The following ACSS3 variants were observed in gnomAD, a reference collection of about 807,000 sequenced individuals.
ACSS3 encodes acyl-CoA synthetase short-chain family member 3, mitochondrial.
A neutral mutation model predicts 84.2 loss-of-function variants in ACSS3; 64 were observed. The ratio of observed to expected loss-of-function variants is 0.76; its 90% confidence interval spans 0.62 to 0.94. ACSS3 has a LOEUF of 0.94. Among genes scored for constraint, ACSS3 ranks in the 40% least tolerant of loss-of-function variants. The pLI, the probability that ACSS3 is intolerant of heterozygous loss-of-function variation, is 0.00. For missense variants in ACSS3, 815 were observed against 867.6 expected, an observed-to-expected ratio of 0.94 and a Z score of 0.76; for synonymous variants, 317 against 310.1, an observed-to-expected ratio of 1.02 and a Z score of -0.23.
chr12:81,100,482 G>C (rs1882423140), intron 1 of ACSS3, among the ~76,000 whole-genome samples: 1 of 152,052 alleles, frequency 6.6e-6, no homozygotes, highest in Non-Finnish European at 1.5e-5. Flanking sequence ...TTATTTACAG[G>C]AGCTGAGATT....
chr12:81,154,818 T>C (rs1886782518), intron 7 of ACSS3, among the ~76,000 whole-genome samples: 1 of 152,226 alleles, frequency 6.6e-6, no homozygotes, highest in Admixed American at 6.5e-5. Flanking sequence ...AGGTGATCCT[T>C]TCCTCTCTCT....
chr12:81,141,988 A>AT (rs1429770488), intron 4 of ACSS3, among the ~76,000 whole-genome samples: 2 of 152,198 alleles, frequency 1.3e-5, no homozygotes, highest in Non-Finnish European at 2.9e-5. Flanking sequence ...TACAGGCATC[A>AT]TATTTGTGAT....
At chr12:81,213,851 C>T (rs113124983) in intron 9 of ACSS3, among the ~76,000 whole-genome samples, 2,246 of 60,416 alleles carry the variant, frequency 0.037, 244 homozygotes, top group African/African-American at 0.11. Context: ...CTCTCCTCTC[C>T]TCTCTTCTCT....
At chr12:81,242,330 G>A (rs144349054) in intron 13 of ACSS3, among the ~76,000 whole-genome samples, 1 of 152,058 alleles carries the variant, frequency 6.6e-6, no homozygotes, top group Non-Finnish European at 1.5e-5. Context: ...TCTCTGAATA[G>A]ACCAATAACA....
At chr12:81,205,186 C>T (rs2032292622) in intron 9 of ACSS3, among the ~76,000 whole-genome samples, 1 of 152,134 alleles carries the variant, frequency 6.6e-6, no homozygotes, top group Non-Finnish European at 1.5e-5. Context: ...GACCCAAAGG[C>T]TCCTCCAAAC....
At position 81,255,092 on chromosome 12, in the gene ACSS3, C is replaced by T. The variant is rs1166743583; in HGVS notation, c.*170C>T. 1.6e-6 allele frequency: 1 copy of T among 606,428 alleles called. No individual in the cohort carries two copies. The highest frequency in any genetic ancestry group is 2.6e-6 in the Non-Finnish European group (1 of 377,650). The allele number at this position is 606,428 out of a possible 1,614,324, so 37.6% of individuals were successfully genotyped here. A position where few individuals can be genotyped will look rare whatever the true frequency, so the allele number is the denominator to read the frequency against. ...AATGAAAACATGTGAAAGACCTGTGCCTTTTTTTTGGTTTGACCCTGTTAG... is the reference window on the plus strand; with the variant it reads ...AATGAAAACATGTGAAAGACCTGTGTCTTTTTTTTGGTTTGACCCTGTTAG... On this transcript the variant is annotated 3_prime_UTR_variant, in exon 16 of 16. Transcript: ENST00000548058.
intron 2 of ACSS3, among the ~76,000 whole-genome samples, chr12:81,132,484 T>A (rs1885568040): frequency 6.6e-6 from 1 of 152,172 alleles, no homozygotes; most frequent in Non-Finnish European, 1.5e-5. Flanking sequence ...ATCCCCTTTA[T>A]CATTTTTTAT....
chr12:81,233,328 G>A (rs776355334), intron 12 of ACSS3, 21 bp from the exon 13 acceptor site: 5 of 1,606,814 alleles, frequency 3.1e-6, no homozygotes, highest in Non-Finnish European at 4.3e-6. Context: ...CTAATCAAAT[G>A]TTATTTTTTC....
chr12:81,216,899 A>G lies in ACSS3; in HGVS notation c.1355-2A>G. 2 of 1,607,250 alleles carry G rather than the reference A, an allele frequency of 1.2e-6. No homozygotes were observed. Among genetic ancestry groups the G allele is most frequent in the East Asian group, 2.2e-5 (1 of 44,720 alleles). On this transcript the variant is annotated splice_acceptor_variant, in intron 9 of 15. Coordinates refer to ENST00000548058, the MANE Select transcript of ACSS3 (RefSeq NM_024560.4). LOFTEE classifies it high-confidence loss of function. The stretch of plus-strand genomic sequence containing the variant: ...AGTGATAAATAACATTTCTTTTTCC[A>G]GAGACTGGATCTCCAATTACTGCGT...
intron 13 of ACSS3, among the ~76,000 whole-genome samples, chr12:81,247,203 T>C (rs569048835): frequency 3.3e-5 from 5 of 152,324 alleles, no homozygotes; most frequent in Non-Finnish European, 7.4e-5. Flanking sequence ...TCTGGTTGCA[T>C]GAACTTTTAA....
intron 11 of ACSS3, among the ~76,000 whole-genome samples, chr12:81,229,960 C>T (rs1031869620): frequency 4.6e-5 from 7 of 151,804 alleles, no homozygotes; most frequent in African/African-American, 1.7e-4. Flanking sequence ...AATTCAGTGC[C>T]ATGAAGTTCT....
intron 5 of ACSS3, among the ~76,000 whole-genome samples, chr12:81,151,043 TA>T (rs1484735261): frequency 3.3e-5 from 5 of 152,182 alleles, no homozygotes; most frequent in Non-Finnish European, 7.4e-5. Context: ...TAATGTTTTT[TA>T]AAACAATAAA....
At chr12:81,246,029 C>G (rs778953268) in intron 13 of ACSS3, among the ~76,000 whole-genome samples, 1 of 152,126 alleles carries the variant, frequency 6.6e-6, no homozygotes, top group Non-Finnish European at 1.5e-5. Flanking sequence ...GGTCTTGTCT[C>G]TTTGCTGGCA....
chr12:81,085,125 GTTTTGAAGCCTACTGCTCAACA>G (rs1593017948), intron 1 of ACSS3, among the ~76,000 whole-genome samples: 2 of 152,292 alleles, frequency 1.3e-5, no homozygotes, highest in East Asian at 3.9e-4. Flanking sequence ...AATTTTGCTT[GTTTTGAAGCCTACTGCTCAACA>G]GGACTCCTTG....
At chr12:81,183,985 A>G (rs2031100067) in intron 8 of ACSS3, among the ~76,000 whole-genome samples, 2 of 151,990 alleles carry the variant, frequency 1.3e-5, no homozygotes. Context: ...GAAGCAGAGT[A>G]CTTATTTTCC....
chr12:81,248,060 A>T (rs1468765772), intron 13 of ACSS3, among the ~76,000 whole-genome samples: 1 of 152,114 alleles, frequency 6.6e-6, no homozygotes, highest in Non-Finnish European at 1.5e-5. Flanking sequence ...AAAGTCATTC[A>T]TGCTTGCAAG....
intron 12 of ACSS3, among the ~76,000 whole-genome samples, chr12:81,231,607 AT>A (rs566326249): frequency 1.3e-5 from 2 of 151,608 alleles, no homozygotes; most frequent in Non-Finnish European, 3.0e-5. Flanking sequence ...TTTTGACACC[AT>A]TTTTTGAATG....
intron 10 of ACSS3, 103 bp from the exon 11 acceptor site, chr12:81,219,910 T>G (rs887033071): frequency 3.1e-6 from 2 of 641,130 alleles, no homozygotes; most frequent in Non-Finnish European, 4.7e-6. Context: ...AAAAGATTAC[T>G]CTCTTAAGCT....
chr12:81,133,434 T>A (rs1885627499), intron 2 of ACSS3, among the ~76,000 whole-genome samples: 1 of 152,150 alleles, frequency 6.6e-6, no homozygotes, highest in East Asian at 1.9e-4. Context: ...GTCTTTTCAC[T>A]TGTTTCTTCT....
Sources: gnomAD v4.1 joint callset for allele counts (sites outside exome capture counted in the v4.1 genomes callset) on GRCh38, gnomAD v4.1.1 for gene constraint, MANE v1.5 for transcripts, NCBI Gene and HGNC (gene_info 2026-07-23, HGNC 2026-07-21) for gene names.